The following SPAG17 variants were observed in gnomAD, a reference collection of about 807,000 sequenced individuals.
SPAG17 encodes sperm-associated antigen 17.
In SPAG17, 169 loss-of-function variants were observed where a neutral mutation model predicts 273.6. The ratio of observed to expected loss-of-function variants is 0.62; its 90% CI spans 0.55 to 0.70. The LOEUF (loss-of-function observed/expected upper bound fraction) is 0.70, where lower values mean the gene tolerates loss of function less well. Among genes scored for constraint, SPAG17 ranks in the 30% least tolerant of loss-of-function variants. SPAG17 has a pLI of 0.00. For missense variants in SPAG17, 2,557 were observed against 2,627.8 expected (o/e 0.97, Z 0.59); for synonymous variants, 825 against 873.2 (o/e 0.94, Z 0.97).
intron 28 of SPAG17, among the ~76,000 whole-genome samples, chr1:118,020,977 G>C (rs1389111447): frequency 1.3e-5 from 2 of 152,094 alleles, no homozygotes; most frequent in Non-Finnish European, 2.9e-5. Context: ...TCCAATGGCA[G>C]AGTTGAGTAG....
At chr1:118,043,177 G>A (rs1649968709) in intron 20 of SPAG17, among the ~76,000 whole-genome samples, 1 of 152,188 alleles carries the variant, frequency 6.6e-6, no homozygotes, top group African/African-American at 2.4e-5. Flanking sequence ...AAATGGCAAA[G>A]TGAGTTTGAA....
rs200082192 is a variant in SPAG17 at position 118,081,645 on chromosome 1, G to A, written c.1763-3C>T. 5.8e-5 allele frequency: 93 copies of A among 1,612,342 alleles called. No homozygotes were observed. The highest frequency in any genetic ancestry group is 7.7e-5 in the Non-Finnish European group (91 of 1,178,624). ...TACTTCATTCCAGCTCAAGACATCT[G>A]TAAGAAAGCAGAACCAGTGCTGCTG... On this transcript the variant is annotated splice_region_variant and splice_polypyrimidine_tract_variant and intron_variant, in intron 13 of 48. Coordinates refer to ENST00000336338, the MANE Select transcript of SPAG17 (RefSeq NM_206996.4).
At chr1:118,120,771 C>A (rs1048520829) in intron 3 of SPAG17, among the ~76,000 whole-genome samples, 1 of 152,184 alleles carries the variant, frequency 6.6e-6, no homozygotes, top group Non-Finnish European at 1.5e-5. Context: ...CTGTTACACC[C>A]CTCCCACTTC....
At chr1:118,153,617 C>T (rs1162117215) in intron 1 of SPAG17, among the ~76,000 whole-genome samples, 3 of 152,074 alleles carry the variant, frequency 2.0e-5, no homozygotes, top group African/African-American at 4.8e-5. Flanking sequence ...GGGAGGCTGA[C>T]ATGGGCAGAT....
At chr1:118,135,967 A>G (rs1658333189) in intron 3 of SPAG17, among the ~76,000 whole-genome samples, 1 of 152,182 alleles carries the variant, frequency 6.6e-6, no homozygotes, top group Non-Finnish European at 1.5e-5. Context: ...TTCCATTGCG[A>G]GGTACTGTCA....
intron 30 of SPAG17, among the ~76,000 whole-genome samples, chr1:118,010,850 C>T (rs1659395809): frequency 1.3e-5 from 2 of 152,032 alleles, no homozygotes; most frequent in Admixed American, 6.6e-5. Context: ...CATCCAGCAT[C>T]CGTAAGGAAT....
At chr1:118,003,729 G>A (rs1227570584) in intron 32 of SPAG17, among the ~76,000 whole-genome samples, 1 of 152,050 alleles carries the variant, frequency 6.6e-6, no homozygotes, top group East Asian at 1.9e-4. Flanking sequence ...CTTTTTTCAA[G>A]GTTTTTAGCT....
chr1:117,997,212 T>A (rs1657759503), intron 32 of SPAG17, among the ~76,000 whole-genome samples: 1 of 152,054 alleles, frequency 6.6e-6, no homozygotes, highest in South Asian at 2.1e-4. Context: ...AGAAAAAATG[T>A]TCTAGTCCTT....
Position 118,041,797 on chromosome 1 carries a change from G to T in SPAG17, c.3054+6C>A. ...AGAGACTAAGTTTTACAGAATTGGAGTTTACCGGGTAAGTTATCTTAGGTT... is the reference window on the plus strand; with the variant it reads ...AGAGACTAAGTTTTACAGAATTGGATTTTACCGGGTAAGTTATCTTAGGTT... On this transcript the variant is annotated splice_donor_region_variant and intron_variant, in intron 21 of 48. Coordinates refer to ENST00000336338, the MANE Select transcript of SPAG17 (RefSeq NM_206996.4). 1 of 1,605,472 alleles carries T rather than the reference G, an allele frequency of 6.2e-7. No homozygotes were observed. Among genetic ancestry groups the T allele is most frequent in the Non-Finnish European group, 8.5e-7 (1 of 1,177,666 alleles).
At chr1:118,176,426 G>C (rs543237047) in intron 1 of SPAG17, among the ~76,000 whole-genome samples, 1 of 152,216 alleles carries the variant, frequency 6.6e-6, no homozygotes, top group East Asian at 1.9e-4. Flanking sequence ...CTTATATCAG[G>C]TAAAATACAT....
rs766337617 is a variant in SPAG17, at chr1:118,151,255, CCAT to C, written c.199_201del (p.Met67del). 3.1e-6 allele frequency: 5 copies of C among 1,598,592 alleles called. No homozygotes were observed. Among genetic ancestry groups the C allele is most frequent in the Non-Finnish European group, 4.3e-6 (5 of 1,170,762 alleles). ...TGCTGGAGAATGTCTTGCCACGACACCATACTGAAGAGTTTACGCTGAGGGACC... is the reference window on the plus strand; with the variant it reads ...TGCTGGAGAATGTCTTGCCACGACACACTGAAGAGTTTACGCTGAGGGACC... On this transcript the variant is annotated inframe_deletion, in exon 2 of 49. Coordinates refer to ENST00000336338, the MANE Select transcript of SPAG17 (RefSeq NM_206996.4).
At chr1:118,012,109 GC>G in intron 30 of SPAG17, 118 bp downstream of exon 30, 1 of 945,322 alleles carries the variant, frequency 1.1e-6, no homozygotes, top group South Asian at 2.0e-5. Flanking sequence ...TCTTTAGTTG[GC>G]TAACTTTACC....
chr1:118,005,695 G>T (rs1486651854), intron 31 of SPAG17, 93 bp from the exon 32 acceptor site: 2 of 883,150 alleles, frequency 2.3e-6, no homozygotes, highest in Non-Finnish European at 3.1e-6. Context: ...AATACCCATA[G>T]ATCCTAGTCA....
intron 41 of SPAG17, 123 bp from the exon 42 acceptor site, chr1:117,984,036 AACTAAAATTCT>A: frequency 1.9e-6 from 1 of 539,510 alleles, no homozygotes. Flanking sequence ...AAAGTTTACA[AACTAAAATTCT>A]ACAAGAGACT....
chr1:118,061,968 C>T (rs1035650423), intron 18 of SPAG17, among the ~76,000 whole-genome samples: 3 of 152,020 alleles, frequency 2.0e-5, no homozygotes. Context: ...GTACTAAATT[C>T]TCAACCAAGA....
intron 48 of SPAG17, chr1:117,959,639 G>T: frequency 2.0e-6 from 1 of 508,746 alleles, no homozygotes; most frequent in Non-Finnish European, 3.2e-6. Flanking sequence ...TCCATTTCTT[G>T]GACTTAAAAT....
chr1:117,955,310 T>C (rs771083145), intron 48 of SPAG17: 1 of 1,610,928 alleles, frequency 6.2e-7, no homozygotes. Context: ...ATCCTTCCTT[T>C]ATAGCCTTCA....
At chr1:118,116,271 C>G (rs1049075686) in intron 3 of SPAG17, among the ~76,000 whole-genome samples, 1 of 152,142 alleles carries the variant, frequency 6.6e-6, no homozygotes, top group Non-Finnish European at 1.5e-5. Context: ...TCTCTTTATT[C>G]ATGTTGTCTC....
chr1:118,044,159 C>T (rs1342444153), intron 20 of SPAG17, among the ~76,000 whole-genome samples: 1 of 152,002 alleles, frequency 6.6e-6, no homozygotes, highest in East Asian at 1.9e-4. Flanking sequence ...CTTTTGTTTT[C>T]CTAGAGAGCT....
Sources: allele counts gnomAD v4.1 joint callset (sites outside exome capture counted in the v4.1 genomes callset), GRCh38; gene constraint gnomAD v4.1.1; transcripts MANE v1.5; gene names NCBI Gene and HGNC (gene_info 2026-07-23, HGNC 2026-07-21).